Variants in PSME4 observed in about 807,000 individuals in gnomAD.
The protein encoded by PSME4 is proteasome activator subunit 4.
PSME4 carries 89 observed loss-of-function variants against 253.9 expected under a neutral mutation model. The ratio of observed to expected loss-of-function variants is 0.35; its 90% CI spans 0.30 to 0.42. PSME4 has a LOEUF of 0.42. Ranked by LOEUF, PSME4 falls within the 10% of genes least tolerant of loss-of-function variation. PSME4 has a pLI of 1.00. For synonymous variants in PSME4, 851 were observed against 759.2 expected (o/e 1.12, Z -1.99); for missense variants, 2,014 against 2,195.2 (o/e 0.92, Z 1.65).
chr2:53,956,424 G>A (rs1670237828), intron 1 of PSME4, among the ~76,000 whole-genome samples: 1 of 151,724 alleles, frequency 6.6e-6, no homozygotes, highest in African/African-American at 2.4e-5. Flanking sequence ...CAGCTACTCG[G>A]GGGGCTGAGG....
chr2:53,966,940 C>T (rs957200186), intron 1 of PSME4, among the ~76,000 whole-genome samples: 4 of 152,080 alleles, frequency 2.6e-5, no homozygotes, highest in African/African-American at 4.8e-5. Context: ...CCTCGTGATC[C>T]GTCTGCCTCG....
chr2:53,970,698 C>T lies in PSME4; in HGVS notation c.87G>A (p.Gln29=). 6.5e-7 allele frequency: 1 copy of T among 1,549,474 alleles called. No homozygotes were observed. The change falls in exon 1 of 47, where the codon CAG becomes CAA. Residue 29 remains glutamine (Q), a synonymous_variant. Transcript: ENST00000404125. ...GCAGCTTGTTGTAGACGATCTCCTT[C>T]TGCGGGACGAAGCCCCGCGGGCCCG... is the stretch of plus-strand genomic sequence containing the variant. ...PEPGPRGFVP[Q]KEIVYNKLLP...
At position 53,898,319 on chromosome 2, in the gene PSME4, C is replaced by G. The variant is rs200308239; in HGVS notation, c.3458G>C (p.Gly1153Ala). The G allele has an allele frequency of 6.8e-5, 110 of 1,607,294 alleles. No individual in the cohort carries two copies. The highest frequency in any genetic ancestry group is 6.9e-5 in the Non-Finnish European group (81 of 1,177,514). The change falls in exon 30 of 47, where the codon GGT becomes GCT. Residue 1153 changes from glycine to alanine, a missense_variant. Transcript: ENST00000404125. ...YENLVDTLLD[G>A]VEQRNLPWKF... ...CACTTACAGGTTTCTTTGCTCCACA[C>G]CATCTAGCAAGGTGTCTACCAAATT...
At chr2:53,933,993 AC>A (rs1668986514) in intron 8 of PSME4, among the ~76,000 whole-genome samples, 1 of 152,256 alleles carries the variant, frequency 6.6e-6, no homozygotes, top group South Asian at 2.1e-4. Flanking sequence ...TTCCACAGAA[AC>A]AAGCTAACGT....
rs372628285 is a variant in PSME4, at chr2:53,948,476, C to T, written c.445G>A (p.Val149Ile). The T allele has an allele frequency of 2.2e-5, 35 of 1,613,776 alleles. No individual in the cohort carries two copies. The South Asian group carries it at 3.1e-4, about 14-fold the overall frequency. The change falls in exon 3 of 47, where the codon GTA (valine) becomes ATA (isoleucine). Residue 149 changes from valine to isoleucine, a missense_variant. By Grantham distance (29) the Val-to-Ile change is conservative. Around this residue, in one of 4 missense-constraint regions of PSME4, gnomAD observed 615 missense variants for 594.4 expected, o/e 1.03. Transcript: ENST00000404125. ...GTCTTGGAATATAATATTCTTTCTA[C>T]CATGTCATAAAGTGGTCTCCAGGGT... Reference protein sequence around the residue: ...ELPWRPLYDMVERILYSKTEH... With the variant: ...ELPWRPLYDMIERILYSKTEH...
At position 53,937,438 on chromosome 2, in the gene PSME4, T is replaced by C; in HGVS notation, c.648A>G (p.Ile216Met). ...CTGGAGGAAGGGAGGTAGGAAGAAA[T>C]ATTTCAAAATAAGTGATGGCCTTTT... ...TMQKAITYFE[I>M]FLPTSLPPEL... Residue 216 changes from isoleucine (I) to methionine (M), a missense_variant, in exon 5 of 47, where the codon ATA (isoleucine) becomes ATG (methionine). Coordinates refer to ENST00000404125, the MANE Select transcript of PSME4 (RefSeq NM_014614.3). 3 of 1,609,774 alleles carry C rather than the reference T, an allele frequency of 1.9e-6. No homozygotes were observed. Among genetic ancestry groups the C allele is most frequent in the Non-Finnish European group, 2.5e-6 (3 of 1,177,394 alleles).
chr2:53,968,725 G>T (rs1345302949), intron 1 of PSME4, among the ~76,000 whole-genome samples: 1 of 152,216 alleles, frequency 6.6e-6, no homozygotes, highest in African/African-American at 2.4e-5. Context: ...TGGGTATTAA[G>T]CCATCAGCTA....
chr2:53,893,521 G>A (rs529810168), intron 35 of PSME4, among the ~76,000 whole-genome samples, 153 bp downstream of exon 35: 13 of 152,118 alleles, frequency 8.5e-5, no homozygotes, highest in East Asian at 1.9e-4. Flanking sequence ...AGGGAATAAC[G>A]ACAACAAAAG....
intron 31 of PSME4, 120 bp from the exon 32 acceptor site, chr2:53,897,005 C>T (rs1234468854): frequency 4.1e-6 from 3 of 725,122 alleles, no homozygotes; most frequent in East Asian, 5.1e-5. Context: ...CGCCTATCGA[C>T]ATCTGGCAGT....
intron 1 of PSME4, among the ~76,000 whole-genome samples, chr2:53,961,684 G>C (rs556403636): frequency 1.2e-4 from 19 of 152,164 alleles, no homozygotes; most frequent in South Asian, 4.2e-4. Context: ...TAAAAATAAG[G>C]GGGGGAAGGG....
At chr2:53,868,599 T>TAA (rs1452242648) in intron 44 of PSME4, among the ~76,000 whole-genome samples, 1 of 123,798 alleles carries the variant, frequency 8.1e-6, no homozygotes, top group Non-Finnish European at 1.6e-5. Context: ...AATATATATA[T>TAA]AATATATATA....
rs376761063 is a variant in PSME4, at chr2:53,894,994, A to G, written c.3912+13T>C. ...CAAGATGCATTTGAACCATGGTGAA[A>G]TGGAATGCTTACCTCTGTCATATCC... On this transcript the variant is annotated intron_variant, in intron 34 of 46. Coordinates refer to ENST00000404125, the MANE Select transcript of PSME4 (RefSeq NM_014614.3). 3 of 1,603,440 alleles carry G rather than the reference A, an allele frequency of 1.9e-6. No individual in the cohort carries two copies. The African/African-American group carries it at 4.0e-5, about 22-fold the overall frequency.
intron 1 of PSME4, among the ~76,000 whole-genome samples, chr2:53,968,284 A>G (rs894894323): frequency 2.0e-5 from 3 of 151,982 alleles, no homozygotes; most frequent in African/African-American, 7.2e-5. Flanking sequence ...CAAAAAAAAA[A>G]AAAAAAAGAA....
intron 4 of PSME4, among the ~76,000 whole-genome samples, chr2:53,938,365 T>C (rs996808479): frequency 2.0e-5 from 3 of 152,246 alleles, no homozygotes; most frequent in East Asian, 3.9e-4. Context: ...CTGTATGATA[T>C]GGACAGGAGT....
intron 21 of PSME4, among the ~76,000 whole-genome samples, chr2:53,909,398 G>C (rs886710131): frequency 2.6e-5 from 4 of 152,060 alleles, no homozygotes; most frequent in African/African-American, 9.7e-5. Flanking sequence ...AAGGTATAAA[G>C]TTTTTTTAAA....
At chr2:53,932,305 C>A (rs1010749768) in intron 9 of PSME4, among the ~76,000 whole-genome samples, 1 of 151,604 alleles carries the variant, frequency 6.6e-6, no homozygotes, top group African/African-American at 2.4e-5. Flanking sequence ...TTTCAAATTC[C>A]AGTCTAAAAA....
At chr2:53,915,461 G>A (rs1668016318) in intron 20 of PSME4, among the ~76,000 whole-genome samples, 1 of 151,922 alleles carries the variant, frequency 6.6e-6, no homozygotes, top group African/African-American at 2.4e-5. Context: ...GGCTGGTGTG[G>A]TGGCTCACAC....
intron 3 of PSME4, among the ~76,000 whole-genome samples, chr2:53,941,550 T>A (rs1437852154): frequency 6.6e-6 from 1 of 152,042 alleles, no homozygotes; most frequent in Non-Finnish European, 1.5e-5. Flanking sequence ...TATCTGCTCA[T>A]ATATATTTAT....
At chr2:53,935,732 T>C (rs964106377) in intron 7 of PSME4, among the ~76,000 whole-genome samples, 1 of 152,176 alleles carries the variant, frequency 6.6e-6, no homozygotes, top group African/African-American at 2.4e-5. Flanking sequence ...TATGGTCTAA[T>C]TACCTTTTGA....
Sources: allele counts gnomAD v4.1 joint callset (sites outside exome capture counted in the v4.1 genomes callset), GRCh38; gene constraint gnomAD v4.1.1; regional missense constraint gnomAD v4.1.1; transcripts MANE v1.5; gene names NCBI Gene and HGNC (gene_info 2026-07-23, HGNC 2026-07-21).